TBL1XR1: variants seen among roughly 807,000 people sequenced by gnomAD.
TBL1XR1 encodes F-box-like/WD repeat-containing protein TBL1XR1.
A neutral mutation model predicts 66.9 loss-of-function variants in TBL1XR1; 5 were observed. That is an observed-to-expected ratio of 0.07 (90% CI 0.04 to 0.16). The LOEUF (loss-of-function observed/expected upper bound fraction) is 0.16, where lower values mean the gene tolerates loss of function less well. TBL1XR1 is among the 10% of genes least tolerant of loss of function. The pLI, the probability that TBL1XR1 is intolerant of heterozygous loss-of-function variation, is 1.00. For synonymous variants in TBL1XR1, 210 were observed against 206.0 expected (o/e 1.02, Z -0.17); for missense variants, 238 against 623.2 (o/e 0.38, Z 6.58).
At chr3:177,079,325 C>G (rs1012001053) in intron 2 of TBL1XR1, 2 of 151,404 alleles carry the variant, frequency 1.3e-5, no homozygotes, top group African/African-American at 4.9e-5. Context: ...CCCAGCTACT[C>G]GGGAGGCTGA....
At chr3:177,171,078 C>T (rs926406718) in intron 1 of TBL1XR1, among the ~76,000 whole-genome samples, 6 of 152,130 alleles carry the variant, frequency 3.9e-5, no homozygotes, top group African/African-American at 1.2e-4. Flanking sequence ...CGGTGGCTCA[C>T]GCCTGTAATC....
chr3:177,135,305 C>CTGTGTG (rs1553852659), intron 1 of TBL1XR1, among the ~76,000 whole-genome samples: 1 of 17,642 alleles, frequency 5.7e-5, no homozygotes. Flanking sequence ...CAAGGCCGCA[C>CTGTGTG]TCTGTGTGTG....
intron 1 of TBL1XR1, among the ~76,000 whole-genome samples, chr3:177,120,119 T>C (rs1336534183): frequency 6.6e-6 from 1 of 152,170 alleles, no homozygotes; most frequent in Non-Finnish European, 1.5e-5. Flanking sequence ...ATTGATAACC[T>C]TAACTTCTCA....
intron 1 of TBL1XR1, among the ~76,000 whole-genome samples, chr3:177,104,829 T>C (rs909614210): frequency 6.6e-6 from 1 of 152,234 alleles, no homozygotes; most frequent in Non-Finnish European, 1.5e-5. Flanking sequence ...GTTAAGATTA[T>C]ACAAAAATAA....
chr3:177,033,549 G>A (rs932779388), intron 13 of TBL1XR1, among the ~76,000 whole-genome samples: 1 of 151,206 alleles, frequency 6.6e-6, no homozygotes, highest in African/African-American at 2.4e-5. Flanking sequence ...ATTTTGCTAT[G>A]CCTCAATTGC....
intron 4 of TBL1XR1, among the ~76,000 whole-genome samples, chr3:177,053,135 A>AC (rs1487566852): frequency 6.6e-6 from 1 of 152,128 alleles, no homozygotes; most frequent in Non-Finnish European, 1.5e-5. Context: ...AACAAAAACA[A>AC]CATTTTAAAC....
At chr3:177,176,059 TAAA>T (rs1217018820) in intron 1 of TBL1XR1, among the ~76,000 whole-genome samples, 1 of 127,634 alleles carries the variant, frequency 7.8e-6, no homozygotes. Context: ...ACTCTGTCTC[TAAA>T]AAAAAAAAAA....
intron 2 of TBL1XR1, among the ~76,000 whole-genome samples, chr3:177,098,068 G>C (rs1723715924): frequency 6.6e-6 from 1 of 152,022 alleles, no homozygotes; most frequent in Non-Finnish European, 1.5e-5. Flanking sequence ...AATTAGCTGG[G>C]CGTGGTGGCG....
At chr3:177,036,051 C>A (rs988529449) in intron 12 of TBL1XR1, among the ~76,000 whole-genome samples, 17 of 152,206 alleles carry the variant, frequency 1.1e-4, no homozygotes, top group African/African-American at 3.9e-4. Flanking sequence ...GTAAACTACC[C>A]TGCCTTCCTT....
chr3:177,137,254 AGGCCAAGACGGG>A (rs1246664408), intron 1 of TBL1XR1, among the ~76,000 whole-genome samples: 2 of 152,246 alleles, frequency 1.3e-5, no homozygotes, highest in Non-Finnish European at 2.9e-5. Flanking sequence ...GCACTTTGGG[AGGCCAAGACGGG>A]GGATTGCTTG....
At chr3:177,195,936 T>G (rs984884531) in intron 1 of TBL1XR1, among the ~76,000 whole-genome samples, 1 of 152,188 alleles carries the variant, frequency 6.6e-6, no homozygotes, top group Non-Finnish European at 1.5e-5. Flanking sequence ...CTCCAGACAC[T>G]GAGAACACCT....
At chr3:177,200,697 T>C (rs1447417469), upstream of TBL1XR1, among the ~76,000 whole-genome samples, 1 of 152,220 alleles carries the variant, frequency 6.6e-6, no homozygotes, top group Non-Finnish European at 1.5e-5. Context: ...TAAGAAATTG[T>C]AAAGCAAAGG....
intron 12 of TBL1XR1, among the ~76,000 whole-genome samples, chr3:177,035,663 G>T (rs760456960): frequency 6.6e-6 from 1 of 151,996 alleles, no homozygotes; most frequent in East Asian, 1.9e-4. Flanking sequence ...AACTGCCCAC[G>T]TCGGCCTCCC....
At chr3:177,116,843 C>G (rs1726366157) in intron 1 of TBL1XR1, among the ~76,000 whole-genome samples, 1 of 152,160 alleles carries the variant, frequency 6.6e-6, no homozygotes, top group African/African-American at 2.4e-5. Context: ...TAAATGGTAG[C>G]TGTTGCTATT....
intron 2 of TBL1XR1, among the ~76,000 whole-genome samples, chr3:177,091,713 T>C (rs564438116): frequency 7.2e-5 from 11 of 152,288 alleles, no homozygotes; most frequent in Middle Eastern, 3.4e-3. Context: ...AAATCCTCAC[T>C]TGTTACCTAG....
At chr3:177,172,448 A>G (rs1409019312) in intron 1 of TBL1XR1, among the ~76,000 whole-genome samples, 1 of 151,550 alleles carries the variant, frequency 6.6e-6, no homozygotes, top group Non-Finnish European at 1.5e-5. Flanking sequence ...AACTAGAAAA[A>G]TCACACCATT....
chr3:177,173,990 T>C (rs1285546828), intron 1 of TBL1XR1, among the ~76,000 whole-genome samples: 2 of 152,156 alleles, frequency 1.3e-5, no homozygotes, highest in African/African-American at 2.4e-5. Flanking sequence ...TCAAAATATA[T>C]GAAAAAGGGA....
At chr3:177,091,353 T>C (rs1026300333) in intron 2 of TBL1XR1, among the ~76,000 whole-genome samples, 1 of 152,122 alleles carries the variant, frequency 6.6e-6, no homozygotes, top group African/African-American at 2.4e-5. Flanking sequence ...ATTTATACTC[T>C]ACTTTTGTTT....
At chr3:177,159,012 G>A (rs1458145090) in intron 1 of TBL1XR1, among the ~76,000 whole-genome samples, 1 of 152,082 alleles carries the variant, frequency 6.6e-6, no homozygotes, top group Non-Finnish European at 1.5e-5. Context: ...AGCATTCAAA[G>A]AGCCTCAATG....
Sources: allele counts gnomAD v4.1 joint callset (sites outside exome capture counted in the v4.1 genomes callset), GRCh38; gene constraint gnomAD v4.1.1; transcripts MANE v1.5; gene names NCBI Gene and HGNC (gene_info 2026-07-23, HGNC 2026-07-21).